Variants in PAXIP1 observed in about 807,000 individuals in gnomAD.
PAXIP1 encodes the protein PAX interacting protein 1, also known as PAX-interacting protein 1.
PAXIP1 carries 19 observed loss-of-function variants against 140.6 expected under a neutral mutation model. The observed-to-expected ratio is 0.14, with a 90% CI of 0.09 to 0.20. The LOEUF is 0.20. Ranked by LOEUF, PAXIP1 falls within the 10% of genes least tolerant of loss-of-function variation. The pLI is 1.00. For synonymous variants in PAXIP1, 442 were observed against 444.6 expected (o/e 0.99, Z 0.07); for missense variants, 920 against 1,208.6 (o/e 0.76, Z 3.54).
In PAXIP1 at chr7:154,986,219, G is replaced by C. The variant is rs1563385154; in HGVS notation, c.325-2887C>G. 1.5e-6 allele frequency: 2 copies of C among 1,325,692 alleles called. No homozygotes were observed. The highest frequency in any genetic ancestry group is 4.2e-5 in the Admixed American group (2 of 47,296). The allele number at this position is 1,325,692 out of a possible 1,614,324, so 82.1% of individuals were successfully genotyped here. Reference sequence around the variant, plus strand: ...ACAGAAGGTCACTGAGAACCACCAAGAAACAGTCCTTTTGTAAAGCTGGGG... The same window carrying C: ...ACAGAAGGTCACTGAGAACCACCAACAAACAGTCCTTTTGTAAAGCTGGGG... On this transcript the variant is annotated intron_variant, in intron 4 of 20. Coordinates refer to ENST00000404141, the MANE Select transcript of PAXIP1 (RefSeq NM_007349.4). The surrounding 1 kb of genome is among the most constrained non-coding windows in gnomAD (Gnocchi z 4.8).
In PAXIP1 at chr7:154,962,456, T is replaced by G. The variant is rs1808796998; in HGVS notation, c.1992A>C (p.Ala664=). 1 of 1,611,994 alleles carries G rather than the reference T, an allele frequency of 6.2e-7. No individual in the cohort carries two copies. The highest frequency in any genetic ancestry group is 8.5e-7 in the Non-Finnish European group (1 of 1,178,998). Residue 664 remains alanine (A), a splice_region_variant and synonymous_variant, in exon 10 of 21, where the codon GCA becomes GCC. Coordinates refer to ENST00000404141, the MANE Select transcript of PAXIP1 (RefSeq NM_007349.4). ...TAACACATCTCTTTCTTTCTCTTAT[T>G]GCCTGTCAAACATAAAATTATAGGT... ...ESQVSSAYAQ[A]IRERKRCVTA...
intron 5 of PAXIP1, among the ~76,000 whole-genome samples, chr7:154,979,125 G>C (rs977421072): frequency 6.6e-6 from 1 of 152,126 alleles, no homozygotes; most frequent in African/African-American, 2.4e-5. Context: ...GCCTTTGCCT[G>C]ACCCAATTTA....
intron 1 of PAXIP1, among the ~76,000 whole-genome samples, chr7:155,002,355 G>A (rs953665130): frequency 6.6e-6 from 1 of 152,148 alleles, no homozygotes; most frequent in Non-Finnish European, 1.5e-5. Flanking sequence ...TGGCGGAGGC[G>A]GCCAAGCCGG....
intron 16 of PAXIP1, chr7:154,950,228 T>A (rs1808212837): frequency 6.6e-6 from 1 of 152,046 alleles, no homozygotes; most frequent in Non-Finnish European, 1.5e-5. Context: ...CACATCCATA[T>A]GCAATAAAAG....
chr7:154,972,988 T>C (rs59769657), intron 6 of PAXIP1, among the ~76,000 whole-genome samples: 8,116 of 152,334 alleles, frequency 0.053, 531 homozygotes, highest in East Asian at 0.21. Context: ...GGCTGTGCCC[T>C]GTGGCTTTAT....
chr7:155,001,871 T>A (rs1810915788), intron 1 of PAXIP1: 1 of 152,218 alleles, frequency 6.6e-6, no homozygotes. Context: ...AAGGCCAAGA[T>A]CACTCAGCCT....
At chr7:154,979,305 C>T (rs1046735707) in intron 5 of PAXIP1, among the ~76,000 whole-genome samples, 4 of 152,066 alleles carry the variant, frequency 2.6e-5, no homozygotes, top group Non-Finnish European at 5.9e-5. Context: ...AACTTTTAAA[C>T]TTCAAGAGTA....
At chr7:154,995,681 C>A (rs1235996336) in intron 2 of PAXIP1, among the ~76,000 whole-genome samples, 1 of 152,156 alleles carries the variant, frequency 6.6e-6, no homozygotes, top group African/African-American at 2.4e-5. Flanking sequence ...GAAACCCCGT[C>A]TCTACTAAAA....
Position 154,988,902 on chromosome 7 carries a change from T to C in PAXIP1, c.324+2104A>G, listed in dbSNP as rs10155827. Reference sequence around the variant, plus strand: ...TCATTTTTAAAACTTTTCTGATAAGTTGATTGTAAATTTGGAACATACAGA... The same window carrying C: ...TCATTTTTAAAACTTTTCTGATAAGCTGATTGTAAATTTGGAACATACAGA... On this transcript the variant is annotated intron_variant, in intron 4 of 20. Transcript: ENST00000404141. Among the ~76,000 whole-genome samples, 1,427 of 152,334 alleles carry C rather than the reference T, an allele frequency of 9.4e-3. 24 individuals carry two copies. The highest frequency in any genetic ancestry group is 0.031 in the African/African-American group (1,288 of 41,572).
chr7:154,965,613 T>A (rs913686175), intron 8 of PAXIP1: 10 of 152,246 alleles, frequency 6.6e-5, no homozygotes, highest in African/African-American at 2.4e-4. Flanking sequence ...GATGAAGACC[T>A]TTATGATGAT....
intron 20 of PAXIP1, chr7:154,944,923 G>A (rs1213767429): frequency 6.6e-6 from 1 of 151,714 alleles, no homozygotes; most frequent in East Asian, 1.9e-4. Flanking sequence ...CAACTAGACA[G>A]GCTATTTATT....
At chr7:154,967,932 AAAAG>A in intron 7 of PAXIP1, 22 bp from the exon 8 acceptor site, 1 of 1,545,736 alleles carries the variant, frequency 6.5e-7, no homozygotes, top group Non-Finnish European at 8.9e-7. Flanking sequence ...TTACATAAGA[AAAAG>A]AAAATTAAAA....
At position 154,954,445 on chromosome 7, in the gene PAXIP1, C is replaced by T. The variant is rs375093756; in HGVS notation, c.2653-22G>A. On this transcript the variant is annotated intron_variant, in intron 15 of 20. Coordinates refer to ENST00000404141, the MANE Select transcript of PAXIP1 (RefSeq NM_007349.4). The surrounding 1 kb of genome is among the most constrained non-coding windows in gnomAD (Gnocchi z 5.1). The stretch of plus-strand genomic sequence containing the variant: ...GCTTCTAAAGGTCACAAACACAGGT[C>T]GGAAATGAAAAAGTTCAGCATCCAC... 21 of 1,462,846 alleles carry T rather than the reference C, an allele frequency of 1.4e-5. No individual in the cohort carries two copies. Among genetic ancestry groups the T allele is most frequent in the East Asian group, 4.9e-5 (2 of 40,524 alleles). The allele number at this position is 1,462,846 out of a possible 1,614,324, so 90.6% of individuals were successfully genotyped here. A position where few individuals can be genotyped will look rare whatever the true frequency, so the allele number is the denominator to read the frequency against.
chr7:154,981,539 C>A (rs971838363), intron 5 of PAXIP1, among the ~76,000 whole-genome samples: 1 of 152,100 alleles, frequency 6.6e-6, no homozygotes, highest in African/African-American at 2.4e-5. Context: ...CCACCATTGA[C>A]TTAGATAAGA....
intron 3 of PAXIP1, among the ~76,000 whole-genome samples, 161 bp from the exon 4 acceptor site, chr7:154,991,230 A>G (rs989025423): frequency 1.3e-5 from 2 of 152,228 alleles, no homozygotes; most frequent in Non-Finnish European, 2.9e-5. Context: ...AATAGAGAGT[A>G]GTGGGTGGCA....
At position 154,959,852 on chromosome 7, in the gene PAXIP1, A is replaced by G. The variant is rs745679875; in HGVS notation, c.2478+38T>C. ...TACATCCCTACTGCATCTTAATAATACAGTAATAGCCAAGGTAAGGTTATT... is the reference window on the plus strand; with the variant it reads ...TACATCCCTACTGCATCTTAATAATGCAGTAATAGCCAAGGTAAGGTTATT... On this transcript the variant is annotated intron_variant, in intron 13 of 20. Transcript: ENST00000404141. 11 of 1,348,314 alleles carry G rather than the reference A, an allele frequency of 8.2e-6. No homozygotes were observed. The East Asian group carries it at 2.3e-4, about 28-fold the overall frequency. 83.5% of individuals were successfully genotyped at this position (1,348,314 alleles called of 1,614,324 possible).
rs117737221 is a variant in PAXIP1 at position 154,972,750 on chromosome 7, C to T, written c.1074+2946G>A. On this transcript the variant is annotated intron_variant, in intron 6 of 20. Coordinates refer to ENST00000404141, the MANE Select transcript of PAXIP1 (RefSeq NM_007349.4). Reference sequence around the variant, plus strand: ...CATATCTCGCATATCCCACTGCTGACAGGACAGGTCCACTGCGTGGCCGCA... The same window carrying T: ...CATATCTCGCATATCCCACTGCTGATAGGACAGGTCCACTGCGTGGCCGCA... 6.0e-3 allele frequency among the ~76,000 whole-genome samples: 910 copies of T among 152,338 alleles called. 3 individuals carry two copies. Among genetic ancestry groups the T allele is most frequent in the Non-Finnish European group, 9.7e-3 (660 of 68,036 alleles).
At chr7:154,957,553 C>G (rs181394557) in intron 13 of PAXIP1, among the ~76,000 whole-genome samples, 1 of 152,284 alleles carries the variant, frequency 6.6e-6, no homozygotes, top group East Asian at 1.9e-4. Flanking sequence ...AAAATCCTTT[C>G]AGTACTTTAA....
chr7:154,968,332 C>G, intron 7 of PAXIP1, 71 bp downstream of exon 7: 4 of 1,332,990 alleles, frequency 3.0e-6, no homozygotes, highest in Non-Finnish European at 2.0e-6. Flanking sequence ...ACCCCACACT[C>G]AAACACTCTC....
Sources: gnomAD v4.1 joint callset for allele counts (sites outside exome capture counted in the v4.1 genomes callset) on GRCh38, gnomAD v4.1.1 for gene constraint, Gnocchi (gnomAD v3.1) non-coding constraint, MANE v1.5 for transcripts, NCBI Gene and HGNC (gene_info 2026-07-23, HGNC 2026-07-21) for gene names.